CCNJL: variants seen among roughly 807,000 people sequenced by gnomAD.
The protein encoded by CCNJL is cyclin J like.
CCNJL carries 33 observed loss-of-function variants against 33.4 expected under a neutral mutation model. The ratio of observed to expected loss-of-function variants is 0.99; its 90% CI spans 0.75 to 1.32. The LOEUF (loss-of-function observed/expected upper bound fraction) is 1.32. Among genes scored for constraint, CCNJL ranks in the 40% most tolerant of loss-of-function variants. The pLI is 0.00. For missense variants in CCNJL, 512 were observed against 499.7 expected (o/e 1.02, Z -0.23); for synonymous variants, 227 against 220.9 (o/e 1.03, Z -0.24).
At chr5:160,309,832 C>G (rs923752047) in intron 2 of CCNJL, among the ~76,000 whole-genome samples, 1 of 152,178 alleles carries the variant, frequency 6.6e-6, no homozygotes, top group Non-Finnish European at 1.5e-5. Flanking sequence ...TTGACCTTGG[C>G]CATCAGTCCT....
intron 2 of CCNJL, among the ~76,000 whole-genome samples, chr5:160,290,573 G>A (rs1762550590): frequency 6.6e-6 from 1 of 152,028 alleles, no homozygotes; most frequent in Non-Finnish European, 1.5e-5. Context: ...TGGCCTAAAA[G>A]TCACTGCTGA....
intron 2 of CCNJL, among the ~76,000 whole-genome samples, chr5:160,281,949 C>T (rs1156555278): frequency 2.0e-5 from 3 of 152,172 alleles, no homozygotes; most frequent in African/African-American, 7.2e-5. Context: ...AGCCATCAAG[C>T]CCAGCCTAGA....
At chr5:160,330,000 C>T (rs964998846) in intron 1 of CCNJL, among the ~76,000 whole-genome samples, 2 of 152,186 alleles carry the variant, frequency 1.3e-5, no homozygotes, top group African/African-American at 4.8e-5. Flanking sequence ...GACTCATCAC[C>T]ATGACCTGCC....
At chr5:160,260,783 G>T (rs973632872) in intron 3 of CCNJL, among the ~76,000 whole-genome samples, 1 of 152,068 alleles carries the variant, frequency 6.6e-6, no homozygotes, top group African/African-American at 2.4e-5. Context: ...CCTGGGCCTG[G>T]AGCACCCTTC....
chr5:160,278,234 A>G (rs557330317), intron 3 of CCNJL, among the ~76,000 whole-genome samples: 1 of 152,236 alleles, frequency 6.6e-6, no homozygotes, highest in African/African-American at 2.4e-5. Context: ...TCCTGACCTC[A>G]GGTGATCCAC....
chr5:160,336,974 C>T (rs1421774733), intron 1 of CCNJL, among the ~76,000 whole-genome samples: 2 of 150,388 alleles, frequency 1.3e-5, no homozygotes, highest in Non-Finnish European at 3.0e-5. Flanking sequence ...TCCTCCCTCC[C>T]TCCCTTCCTT....
At chr5:160,327,917 G>A (rs941123753) in intron 1 of CCNJL, among the ~76,000 whole-genome samples, 7 of 136,274 alleles carry the variant, frequency 5.1e-5, no homozygotes, top group African/African-American at 1.8e-4. Flanking sequence ...TAAGTGCCAT[G>A]CAGAGAATGA....
chr5:160,290,226 C>A (rs1185412825), intron 2 of CCNJL, among the ~76,000 whole-genome samples: 2 of 151,948 alleles, frequency 1.3e-5, no homozygotes, highest in Non-Finnish European at 2.9e-5. Context: ...ATCCACTTTT[C>A]CTTCAGATCT....
intron 3 of CCNJL, among the ~76,000 whole-genome samples, chr5:160,262,677 G>C (rs1425751078): frequency 6.6e-6 from 1 of 152,224 alleles, no homozygotes; most frequent in East Asian, 1.9e-4. Context: ...CAGAGGCTCA[G>C]AGAAAAAGCT....
intron 2 of CCNJL, among the ~76,000 whole-genome samples, chr5:160,302,907 T>C (rs1428984124): frequency 6.6e-6 from 1 of 152,140 alleles, no homozygotes; most frequent in Admixed American, 6.6e-5. Context: ...TGTCAAAGCA[T>C]ACGTAATTTA....
At chr5:160,336,381 G>A (rs1327472957) in intron 1 of CCNJL, among the ~76,000 whole-genome samples, 2 of 152,226 alleles carry the variant, frequency 1.3e-5, no homozygotes, top group East Asian at 3.9e-4. Flanking sequence ...CCACTCAGAA[G>A]AGGAGAAGGC....
intron 2 of CCNJL, among the ~76,000 whole-genome samples, chr5:160,289,754 C>G (rs1429909469): frequency 1.3e-5 from 2 of 152,214 alleles, no homozygotes; most frequent in African/African-American, 4.8e-5. Context: ...CTGGACAGGT[C>G]TCTGAAGATT....
At chr5:160,320,822 TTTCTTTCTTTCTTTCTTTCTTTCTTTCC>T (rs1315722275) in intron 1 of CCNJL, among the ~76,000 whole-genome samples, 108 of 113,366 alleles carry the variant, frequency 9.5e-4, no homozygotes, top group African/African-American at 2.2e-3. Flanking sequence ...TCTTTCTTTC[TTTCTTTCTTTCTTTCTTTCTTTCTTTCC>T]TTCTTTCTTT....
chr5:160,311,864 G>A lies in CCNJL; in HGVS notation c.60C>T (p.Arg20=), dbSNP rs1264318020. The A allele has an allele frequency of 6.2e-7, 1 of 1,613,944 alleles. No individual in the cohort carries two copies. The highest frequency in any genetic ancestry group is 1.3e-5 in the African/African-American group (1 of 75,056). Reference sequence around the variant, plus strand: ...AGGGCAGGGAGGGACTGACCTTCTCGCGCAGGGTGCAGTGGACGTCCGAGG... The same window carrying A: ...AGGGCAGGGAGGGACTGACCTTCTCACGCAGGGTGCAGTGGACGTCCGAGG... ...RVASDVHCTL[R]EKELKLPTFR... The change falls in exon 2 of 6, where the codon CGC becomes CGT. Residue 20 remains arginine (R), a synonymous_variant. Coordinates refer to ENST00000257536, the MANE Select transcript of CCNJL (RefSeq NM_001308173.3).
At chr5:160,305,373 T>A (rs1280239254) in intron 2 of CCNJL, among the ~76,000 whole-genome samples, 3 of 152,120 alleles carry the variant, frequency 2.0e-5, no homozygotes, top group Non-Finnish European at 4.4e-5. Flanking sequence ...CCTGGCAAGT[T>A]AGGGACAGGC....
At chr5:160,276,432 A>C (rs1762015425) in intron 3 of CCNJL, 1 of 151,836 alleles carries the variant, frequency 6.6e-6, no homozygotes, top group Non-Finnish European at 1.5e-5. Context: ...AAAAAAGAAA[A>C]AGAAAAAAAA....
upstream of CCNJL, among the ~76,000 whole-genome samples, chr5:160,315,783 A>T (rs1561811210): frequency 6.6e-6 from 1 of 152,198 alleles, no homozygotes; most frequent in Non-Finnish European, 1.5e-5. Context: ...ATCACATGAC[A>T]TATCAATATG....
At chr5:160,325,868 G>A (rs1763527705) in intron 1 of CCNJL, among the ~76,000 whole-genome samples, 1 of 152,082 alleles carries the variant, frequency 6.6e-6, no homozygotes, top group African/African-American at 2.4e-5. Flanking sequence ...AAGTTTGATT[G>A]GAACACAGCC....
intron 1 of CCNJL, among the ~76,000 whole-genome samples, chr5:160,328,181 T>C (rs1189695348): frequency 2.0e-5 from 3 of 152,342 alleles, no homozygotes; most frequent in African/African-American, 7.2e-5. Context: ...TGTGAGGGAC[T>C]TTCCTGTAAC....
Sources: allele counts gnomAD v4.1 joint callset (sites outside exome capture counted in the v4.1 genomes callset), GRCh38; gene constraint gnomAD v4.1.1; transcripts MANE v1.5; gene names NCBI Gene and HGNC (gene_info 2026-07-23, HGNC 2026-07-21).